The following SPATS2 variants were observed in gnomAD, a reference collection of about 807,000 sequenced individuals.
The protein encoded by SPATS2 is spermatogenesis associated serine rich 2, also known as spermatogenesis-associated serine-rich protein 2.
SPATS2 carries 38 observed loss-of-function variants against 63.7 expected under a neutral mutation model. The observed-to-expected ratio is 0.60, with a 90% CI of 0.46 to 0.78. The LOEUF is 0.78. SPATS2 is among the 30% of genes least tolerant of loss of function. The pLI is 0.00. For synonymous variants in SPATS2, 207 were observed against 232.9 expected, an observed-to-expected ratio of 0.89 and a Z score of 1.01; for missense variants, 588 against 666.2, an observed-to-expected ratio of 0.88 and a Z score of 1.29.
At chr12:49,435,444 T>G (rs1945259296) in intron 2 of SPATS2, among the ~76,000 whole-genome samples, 1 of 151,536 alleles carries the variant, frequency 6.6e-6, no homozygotes, top group Admixed American at 6.6e-5. Flanking sequence ...TGCCTCAGCC[T>G]CCTCCTGAGT....
At chr12:49,465,374 T>TA (rs1945894425) in intron 3 of SPATS2, among the ~76,000 whole-genome samples, 1 of 152,056 alleles carries the variant, frequency 6.6e-6, no homozygotes, top group African/African-American at 2.4e-5. Flanking sequence ...GTCTTTTTTT[T>TA]TTATTATTAT....
intron 2 of SPATS2, among the ~76,000 whole-genome samples, chr12:49,385,357 AGTGTGTGTGT>A (rs57896651): frequency 2.8e-4 from 40 of 142,088 alleles, no homozygotes; most frequent in Non-Finnish European, 2.0e-4. Flanking sequence ...TAAGTATATA[AGTGTGTGTGT>A]GTGTGTGTGT....
At chr12:49,407,310 C>CA (rs1396139835) in intron 2 of SPATS2, among the ~76,000 whole-genome samples, 3 of 152,120 alleles carry the variant, frequency 2.0e-5, no homozygotes, top group African/African-American at 7.2e-5. Context: ...AAAATTAAGT[C>CA]AAATGAGGTT....
intron 9 of SPATS2, chr12:49,512,995 C>A: frequency 9.0e-7 from 1 of 1,113,674 alleles, no homozygotes; most frequent in Non-Finnish European, 1.2e-6. Flanking sequence ...AATATGTCAA[C>A]CAAATTTGTT....
intron 9 of SPATS2, among the ~76,000 whole-genome samples, chr12:49,513,821 G>T (rs896188070): frequency 6.6e-6 from 1 of 152,148 alleles, no homozygotes; most frequent in African/African-American, 2.4e-5. Flanking sequence ...TTAATTAGAT[G>T]CAAGGCCATC....
chr12:49,428,340 A>G (rs1187437444), intron 2 of SPATS2, among the ~76,000 whole-genome samples: 1 of 152,154 alleles, frequency 6.6e-6, no homozygotes, highest in Non-Finnish European at 1.5e-5. Context: ...ACCATTTTGA[A>G]GTGGTATTAA....
intron 9 of SPATS2, among the ~76,000 whole-genome samples, chr12:49,509,239 A>G (rs1243674742): frequency 6.7e-6 from 1 of 149,372 alleles, no homozygotes; most frequent in Non-Finnish European, 1.5e-5. Context: ...AGCCTGTCAC[A>G]TGAGAACCGT....
At chr12:49,511,550 G>A (rs986533421) in intron 9 of SPATS2, among the ~76,000 whole-genome samples, 4 of 152,048 alleles carry the variant, frequency 2.6e-5, no homozygotes. Context: ...CTGAGGTATT[G>A]GAGTGAGCAA....
At chr12:49,466,394 C>G (rs1044219333) in intron 3 of SPATS2, among the ~76,000 whole-genome samples, 1 of 152,166 alleles carries the variant, frequency 6.6e-6, no homozygotes, top group African/African-American at 2.4e-5. Flanking sequence ...AACTCCTGAC[C>G]TCGTGATCCA....
intron 2 of SPATS2, among the ~76,000 whole-genome samples, chr12:49,382,751 C>G (rs1419261353): frequency 2.0e-5 from 3 of 152,194 alleles, no homozygotes; most frequent in South Asian, 2.1e-4. Context: ...GTTGCCCAGG[C>G]TGGAGTGCAA....
chr12:49,492,276 G>A (rs868802334), intron 6 of SPATS2, among the ~76,000 whole-genome samples: 32 of 149,808 alleles, frequency 2.1e-4, no homozygotes, highest in African/African-American at 4.7e-4. Context: ...CTGGAGTGCC[G>A]TGGCGCGATC....
intron 2 of SPATS2, among the ~76,000 whole-genome samples, chr12:49,430,919 C>G (rs964698025): frequency 1.3e-5 from 2 of 152,026 alleles, no homozygotes; most frequent in Admixed American, 6.5e-5. Flanking sequence ...GGGCTAATCT[C>G]GAACTCCTGA....
intron 2 of SPATS2, among the ~76,000 whole-genome samples, chr12:49,409,237 G>T (rs756703935): frequency 1.3e-5 from 2 of 152,124 alleles, no homozygotes; most frequent in Non-Finnish European, 2.9e-5. Flanking sequence ...GCATTTAGAG[G>T]ATAAATAGTA....
intron 2 of SPATS2, among the ~76,000 whole-genome samples, chr12:49,444,209 T>C (rs1334815119): frequency 2.8e-5 from 4 of 142,638 alleles, no homozygotes; most frequent in Non-Finnish European, 6.0e-5. Flanking sequence ...ATTTAAGTTT[T>C]GTTGTTGTTT....
intron 1 of SPATS2, among the ~76,000 whole-genome samples, chr12:49,370,272 G>A (rs1444858528): frequency 6.6e-6 from 1 of 152,158 alleles, no homozygotes; most frequent in Non-Finnish European, 1.5e-5. Flanking sequence ...GCTGCTTTCA[G>A]TTTCCCATTG....
chr12:49,490,951 G>C, intron 6 of SPATS2: 1 of 423,696 alleles, frequency 2.4e-6, no homozygotes, highest in Non-Finnish European at 4.2e-6. Flanking sequence ...AGACTAGCCC[G>C]GCCAACATGG....
At chr12:49,491,090 GC>G (rs1416588111) in intron 6 of SPATS2, 3 of 167,492 alleles carry the variant, frequency 1.8e-5, no homozygotes, top group African/African-American at 7.2e-5. Context: ...GTTGCAGTGA[GC>G]CGAGATTGGG....
chr12:49,509,273 CTTTTT>C (rs1186617900), intron 9 of SPATS2, among the ~76,000 whole-genome samples: 5 of 77,806 alleles, frequency 6.4e-5, no homozygotes, highest in South Asian at 4.4e-4. Flanking sequence ...GTTCTAACTT[CTTTTT>C]TTTTTTTTTT....
At chr12:49,443,140 A>G (rs1945452034) in intron 2 of SPATS2, among the ~76,000 whole-genome samples, 1 of 152,192 alleles carries the variant, frequency 6.6e-6, no homozygotes, top group Non-Finnish European at 1.5e-5. Flanking sequence ...TTGTTTAACC[A>G]TTTGTCTGCT....
Sources: gnomAD v4.1 joint callset for allele counts (sites outside exome capture counted in the v4.1 genomes callset) on GRCh38, gnomAD v4.1.1 for gene constraint, MANE v1.5 for transcripts, NCBI Gene and HGNC (gene_info 2026-07-23, HGNC 2026-07-21) for gene names.